SNX7: variants seen among roughly 807,000 people sequenced by gnomAD.
SNX7 encodes sorting nexin-7.
Under a neutral mutation model 48.4 loss-of-function variants are expected in SNX7, and 35 were observed. That is an observed-to-expected ratio of 0.72 (90% CI 0.55 to 0.96). SNX7 has a LOEUF of 0.96. Ranked by LOEUF, SNX7 falls within the 40% of genes least tolerant of loss-of-function variation. The pLI, the probability that SNX7 is intolerant of heterozygous loss-of-function variation, is 0.00. For synonymous variants in SNX7, 190 were observed against 190.2 expected, an observed-to-expected ratio of 1.00 and a Z score of 0.01; for missense variants, 553 against 548.9, an observed-to-expected ratio of 1.01 and a Z score of -0.07.
chr1:98,719,990 G>A (rs1400825249), intron 7 of SNX7, among the ~76,000 whole-genome samples: 1 of 150,912 alleles, frequency 6.6e-6, no homozygotes, highest in Non-Finnish European at 1.5e-5. Context: ...GTTATCTATT[G>A]AATAATCATG....
At chr1:98,679,078 G>T (rs1650333090) in intron 1 of SNX7, among the ~76,000 whole-genome samples, 1 of 152,090 alleles carries the variant, frequency 6.6e-6, no homozygotes, top group African/African-American at 2.4e-5. Context: ...ACATAACCAA[G>T]ACTGGGCAAT....
intron 4 of SNX7, among the ~76,000 whole-genome samples, chr1:98,692,470 A>G (rs550806365): frequency 8.6e-4 from 131 of 152,258 alleles, no homozygotes; most frequent in Non-Finnish European, 1.2e-3. Context: ...CTTCTTGGGA[A>G]CATTTCCAGC....
intron 8 of SNX7, among the ~76,000 whole-genome samples, chr1:98,750,977 C>T (rs892118856): frequency 6.6e-6 from 1 of 152,012 alleles, no homozygotes; most frequent in African/African-American, 2.4e-5. Flanking sequence ...CCACAGTTAG[C>T]CTCTGGAAAT....
intron 8 of SNX7, among the ~76,000 whole-genome samples, chr1:98,745,531 T>C (rs1319300640): frequency 6.6e-6 from 1 of 152,046 alleles, no homozygotes; most frequent in Non-Finnish European, 1.5e-5. Context: ...TTTGGAACTA[T>C]GTGCAGAATA....
chr1:98,680,713 A>G (rs9659282), intron 1 of SNX7, among the ~76,000 whole-genome samples: 133,874 of 152,136 alleles, frequency 0.88, 60,088 homozygotes, highest in Non-Finnish European at 0.96. Flanking sequence ...TCTTTGCTAA[A>G]ACATAGCAAG....
At chr1:98,725,051 G>A (rs1653093434) in intron 7 of SNX7, among the ~76,000 whole-genome samples, 1 of 152,086 alleles carries the variant, frequency 6.6e-6, no homozygotes, top group Admixed American at 6.6e-5. Flanking sequence ...ACTTTCTATG[G>A]TATAGGAAAG....
intron 8 of SNX7, among the ~76,000 whole-genome samples, chr1:98,750,631 T>C (rs1349426437): frequency 6.6e-6 from 1 of 152,030 alleles, no homozygotes; most frequent in Non-Finnish European, 1.5e-5. Flanking sequence ...TAATTTTACT[T>C]GAGCCCAAAA....
At chr1:98,670,541 T>C (rs980396302) in intron 1 of SNX7, among the ~76,000 whole-genome samples, 4 of 152,198 alleles carry the variant, frequency 2.6e-5, no homozygotes, top group African/African-American at 9.6e-5. Flanking sequence ...AATACTGTGT[T>C]TTACTGTACC....
At chr1:98,689,518 A>G (rs1398581163) in intron 2 of SNX7, among the ~76,000 whole-genome samples, 1 of 152,132 alleles carries the variant, frequency 6.6e-6, no homozygotes, top group African/African-American at 2.4e-5. Context: ...TTCTTACTGG[A>G]ATTTATACTA....
intron 1 of SNX7, among the ~76,000 whole-genome samples, chr1:98,667,069 A>G (rs1027390774): frequency 6.6e-6 from 1 of 152,200 alleles, no homozygotes; most frequent in Non-Finnish European, 1.5e-5. Flanking sequence ...GAGACAAGAC[A>G]TTTCTGCTGT....
Position 98,713,094 on chromosome 1 carries a change from G to GAAAAAAAA in SNX7, c.1125+11202_1125+11209dup, listed in dbSNP as rs56653679. ...CAACAAGAGCGAAACTCTGTCTCAG[G>GAAAAAAAA]AAAAAAAAAAAAAAAAAACTTGTCT... On this transcript the variant is annotated intron_variant, in intron 7 of 8. Coordinates refer to ENST00000306121, the MANE Select transcript of SNX7 (RefSeq NM_015976.5). Among the ~76,000 whole-genome samples, 12 of 129,852 alleles carry GAAAAAAAA rather than the reference G, an allele frequency of 9.2e-5. 1 individual carries two copies. Among genetic ancestry groups the GAAAAAAAA allele is most frequent in the African/African-American group, 2.0e-4 (7 of 34,152 alleles). The allele number at this position is 129,852 out of a possible 152,430, so 85.2% of individuals were successfully genotyped here. A position where few individuals can be genotyped will look rare whatever the true frequency, so the allele number is the denominator to read the frequency against.
upstream of SNX7, among the ~76,000 whole-genome samples, chr1:98,661,457 G>C (rs889590973): frequency 6.6e-6 from 1 of 152,046 alleles, no homozygotes; most frequent in African/African-American, 2.4e-5. Flanking sequence ...TCCTACCTTT[G>C]AGTCTCTCCT....
At chr1:98,741,217 C>T (rs9729811) in intron 8 of SNX7, among the ~76,000 whole-genome samples, 40,153 of 152,000 alleles carry the variant, frequency 0.26, 5,618 homozygotes, top group Middle Eastern at 0.31. Flanking sequence ...ACAGGGTATA[C>T]ATACATTTGC....
chr1:98,691,914 T>TATATACACACAC (rs143738586), intron 4 of SNX7, among the ~76,000 whole-genome samples: 4 of 133,574 alleles, frequency 3.0e-5, no homozygotes, highest in East Asian at 4.3e-4. Context: ...TCCATATATA[T>TATATACACACAC]ACACACACAC....
At chr1:98,718,599 A>G (rs1652708770) in intron 7 of SNX7, among the ~76,000 whole-genome samples, 1 of 152,138 alleles carries the variant, frequency 6.6e-6, no homozygotes. Context: ...AAAAGATAAT[A>G]TATTCACATG....
intron 1 of SNX7, among the ~76,000 whole-genome samples, chr1:98,682,113 A>G (rs999296926): frequency 1.5e-5 from 2 of 134,804 alleles, no homozygotes; most frequent in African/African-American, 5.4e-5. Flanking sequence ...CCTTTTTTTA[A>G]TTCCCTTTCT....
chr1:98,736,207 C>G lies in SNX7; in HGVS notation c.1126-2030C>G, dbSNP rs781685050. Among the ~76,000 whole-genome samples the G allele has an allele frequency of 3.9e-4, 60 of 152,314 alleles. 1 individual carries two copies. Among genetic ancestry groups the G allele is most frequent in the Middle Eastern group, 3.4e-3 (1 of 294 alleles). ...TCAGTAGAACCACTCTGTTGGCATT[C>G]TATGCCATTGCATGGCAATTTAAAC... On this transcript the variant is annotated intron_variant, in intron 7 of 8. Coordinates refer to ENST00000306121, the MANE Select transcript of SNX7 (RefSeq NM_015976.5).
chr1:98,691,021 A>G (rs990008738), intron 2 of SNX7, 54 bp from the exon 3 acceptor site: 1 of 1,182,230 alleles, frequency 8.5e-7, no homozygotes, highest in Middle Eastern at 2.7e-4. Context: ...AACGTTAGGC[A>G]AATACCTTCT....
chr1:98,709,235 T>C (rs1232090275), intron 7 of SNX7, among the ~76,000 whole-genome samples: 1 of 152,214 alleles, frequency 6.6e-6, no homozygotes, highest in African/African-American at 2.4e-5. Flanking sequence ...GGAACTTTCT[T>C]TGAAGTATAT....
Sources: gnomAD v4.1 joint callset for allele counts (sites outside exome capture counted in the v4.1 genomes callset) on GRCh38, gnomAD v4.1.1 for gene constraint, MANE v1.5 for transcripts, NCBI Gene and HGNC (gene_info 2026-07-23, HGNC 2026-07-21) for gene names.